Variants in VPS13B observed in about 807,000 individuals in gnomAD.
The protein encoded by VPS13B is vacuolar protein sorting 13 homolog B.
In VPS13B, 285 loss-of-function variants were observed where a neutral mutation model predicts 426.4. That is an observed-to-expected ratio of 0.67 (90% CI 0.61 to 0.74). The LOEUF (loss-of-function observed/expected upper bound fraction) is 0.74, where lower values mean the gene tolerates loss of function less well. Among genes scored for constraint, VPS13B ranks in the 30% least tolerant of loss-of-function variants. The pLI, the probability that VPS13B is intolerant of heterozygous loss-of-function variation, is 0.00. For synonymous variants in VPS13B, 1,676 were observed against 1,676.4 expected, an observed-to-expected ratio of 1.00 and a Z score of 0.01; for missense variants, 4,537 against 4,782.6, an observed-to-expected ratio of 0.95 and a Z score of 1.51.
chr8:99,529,270 C>G (rs898552447), intron 30 of VPS13B, among the ~76,000 whole-genome samples: 1 of 152,068 alleles, frequency 6.6e-6, no homozygotes, highest in African/African-American at 2.4e-5. Flanking sequence ...GCGTGTGTGT[C>G]TGTCTGTCTT....
chr8:99,301,251 G>A (rs528744137), intron 19 of VPS13B, among the ~76,000 whole-genome samples: 10 of 150,828 alleles, frequency 6.6e-5, no homozygotes, highest in African/African-American at 2.2e-4. Flanking sequence ...TTTAGGGCTC[G>A]TTAGTATCAG....
intron 57 of VPS13B, among the ~76,000 whole-genome samples, chr8:99,861,433 C>G (rs918559925): frequency 3.9e-5 from 6 of 152,204 alleles, no homozygotes; most frequent in African/African-American, 1.2e-4. Flanking sequence ...CCCTGAGTAG[C>G]TGAGACTACA....
At chr8:99,117,571 C>A (rs2132504028) in intron 7 of VPS13B, among the ~76,000 whole-genome samples, 1 of 152,176 alleles carries the variant, frequency 6.6e-6, no homozygotes, top group East Asian at 1.9e-4. Context: ...AATGGATTAT[C>A]AAATTATGGC....
At chr8:99,717,693 C>T (rs1431250357) in intron 37 of VPS13B, among the ~76,000 whole-genome samples, 1 of 152,122 alleles carries the variant, frequency 6.6e-6, no homozygotes, top group Non-Finnish European at 1.5e-5. Context: ...CTCTAACCCC[C>T]TTATCAGGCC....
Position 99,041,233 on chromosome 8 carries a change from T to C in VPS13B, c.291+2667T>C, listed in dbSNP as rs1842948918. On this transcript the variant is annotated intron_variant, in intron 3 of 61. Transcript: ENST00000357162. ...CATGAAATAGTTGTTAATGATTTCC[T>C]ATTCACTCTGAGAGATGTATCTATG... Among the ~76,000 whole-genome samples the C allele has an allele frequency of 5.9e-5, 9 of 152,346 alleles. No individual in the cohort carries two copies. In the South Asian group the frequency reaches 1.9e-3, roughly 32 times the overall value.
At chr8:99,015,065 TTTA>T (rs1841540326) in intron 2 of VPS13B, among the ~76,000 whole-genome samples, 1 of 152,108 alleles carries the variant, frequency 6.6e-6, no homozygotes, top group African/African-American at 2.4e-5. Context: ...TTATTACTCT[TTTA>T]TTAAGTCAAT....
intron 32 of VPS13B, among the ~76,000 whole-genome samples, chr8:99,576,961 T>G (rs1434622668): frequency 6.6e-6 from 1 of 152,174 alleles, no homozygotes; most frequent in African/African-American, 2.4e-5. Flanking sequence ...ACTGTGGCTC[T>G]TAGCAATTAA....
In VPS13B at chr8:99,156,555, A is replaced by G; in HGVS notation, c.2020A>G (p.Ser674Gly). 1.2e-6 allele frequency: 2 copies of G among 1,613,944 alleles called. No homozygotes were observed. The highest frequency in any genetic ancestry group is 2.2e-5 in the East Asian group (1 of 44,872). Residue 674 changes from serine to glycine, a missense_variant, in exon 15 of 62, where the codon AGT becomes GGT. Physicochemically the swap from Ser to Gly is moderately conservative, Grantham distance 56. Coordinates refer to ENST00000357162, the MANE Select transcript of VPS13B (RefSeq NM_152564.5). ...LPVIMGEKNS[S>G]NFMNTTNFQS... ...GAACACTATTATTTTCTAGAACTCA[A>G]GTAACTTCATGAATACTACAAACTT...
chr8:99,534,447 C>T (rs1216177923), intron 30 of VPS13B, among the ~76,000 whole-genome samples: 1 of 152,054 alleles, frequency 6.6e-6, no homozygotes, highest in Non-Finnish European at 1.5e-5. Flanking sequence ...GTTTGGGTTC[C>T]CATCATAACA....
intron 43 of VPS13B, among the ~76,000 whole-genome samples, chr8:99,798,466 A>G (rs913897810): frequency 1.3e-5 from 2 of 152,172 alleles, no homozygotes; most frequent in Non-Finnish European, 2.9e-5. Flanking sequence ...TATATTTCAA[A>G]GTTTCTTTGT....
At chr8:99,413,191 G>T (rs537697292) in intron 21 of VPS13B, among the ~76,000 whole-genome samples, 41 of 150,868 alleles carry the variant, frequency 2.7e-4, no homozygotes, top group Non-Finnish European at 1.5e-5. Flanking sequence ...AGGGTCCTGG[G>T]TTTTTTTTTG....
intron 35 of VPS13B, among the ~76,000 whole-genome samples, chr8:99,688,305 C>A (rs981681175): frequency 2.6e-5 from 4 of 151,792 alleles, no homozygotes; most frequent in Non-Finnish European, 5.9e-5. Context: ...TTGGTCTAGA[C>A]AGGGGAACCA....
rs778626919 is a variant in VPS13B at position 99,875,620 on chromosome 8, A to C, written c.11948A>C (p.Lys3983Thr). 1 of 1,614,102 alleles carries C rather than the reference A, an allele frequency of 6.2e-7. No individual in the cohort carries two copies. The highest frequency in any genetic ancestry group is 8.5e-7 in the Non-Finnish European group (1 of 1,180,010). Residue 3983 changes from lysine (K) to threonine (T), a missense_variant, in exon 62 of 62, where the codon AAA becomes ACA. Coordinates refer to ENST00000357162, the MANE Select transcript of VPS13B (RefSeq NM_152564.5). The part of the protein sequence containing the change: ...DPHFAQVFLS[K>T]FTMVKNKALR... ...CATTTTGCTCAGGTCTTCCTTAGTA[A>C]ATTTACCATGGTGAAAAATAAAGCC... is the stretch of plus-strand genomic sequence containing the variant.
intron 19 of VPS13B, among the ~76,000 whole-genome samples, chr8:99,362,958 C>T (rs1812650779): frequency 6.6e-6 from 1 of 152,168 alleles, no homozygotes; most frequent in Non-Finnish European, 1.5e-5. Flanking sequence ...TTCTTCCATT[C>T]TGTGTGTTGT....
intron 33 of VPS13B, among the ~76,000 whole-genome samples, chr8:99,605,703 T>G (rs1248806264): frequency 6.6e-6 from 1 of 152,230 alleles, no homozygotes; most frequent in East Asian, 1.9e-4. Context: ...GGTGTCTCTC[T>G]ATCTGTGATA....
chr8:99,113,338 A>C (rs1003873590), intron 6 of VPS13B, among the ~76,000 whole-genome samples: 12 of 152,266 alleles, frequency 7.9e-5, no homozygotes, highest in African/African-American at 2.6e-4. Context: ...CCTAGCTTCA[A>C]GTAATTCTCT....
chr8:99,751,738 G>A (rs912611876), intron 39 of VPS13B, among the ~76,000 whole-genome samples: 2 of 152,128 alleles, frequency 1.3e-5, no homozygotes, highest in African/African-American at 4.8e-5. Flanking sequence ...GTCAAGAATT[G>A]TGAAAAGTTA....
At position 99,135,006 on chromosome 8, in the gene VPS13B, G is replaced by A. The variant is rs370251445; in HGVS notation, c.1303-9G>A. On this transcript the variant is annotated splice_polypyrimidine_tract_variant and intron_variant, in intron 9 of 61. Coordinates refer to ENST00000357162, the MANE Select transcript of VPS13B (RefSeq NM_152564.5). ...ATTCTTAGTTCTAATGTTTCCTTTCGTCTTATAGGCCCTTATGATGGGAGA... is the reference window on the plus strand; with the variant it reads ...ATTCTTAGTTCTAATGTTTCCTTTCATCTTATAGGCCCTTATGATGGGAGA... The A allele has an allele frequency of 6.0e-5, 97 of 1,613,130 alleles. 1 individual carries two copies. Among genetic ancestry groups the A allele is most frequent in the South Asian group, 7.7e-5 (7 of 91,028 alleles).
chr8:99,106,367 G>A (rs1338325689), intron 5 of VPS13B, among the ~76,000 whole-genome samples: 1 of 149,370 alleles, frequency 6.7e-6, no homozygotes, highest in Non-Finnish European at 1.5e-5. Context: ...CCCAGGAGGC[G>A]GAGGCTGCAG....
Sources: gnomAD v4.1 joint callset for allele counts (sites outside exome capture counted in the v4.1 genomes callset) on GRCh38, gnomAD v4.1.1 for gene constraint, MANE v1.5 for transcripts, NCBI Gene and HGNC (gene_info 2026-07-23, HGNC 2026-07-21) for gene names.